Variants in ERICH1 observed in about 807,000 individuals in gnomAD.
ERICH1 encodes glutamate-rich protein 1.
A neutral mutation model predicts 39.6 loss-of-function variants in ERICH1; 56 were observed. That is an observed-to-expected ratio of 1.41 (90% confidence interval 1.14 to 1.77). ERICH1 has a LOEUF of 1.77. ERICH1 is among the 40% of genes most tolerant of loss of function. The pLI, the probability that ERICH1 is intolerant of heterozygous loss-of-function variation, is 0.00. For synonymous variants in ERICH1, 313 were observed against 223.6 expected (o/e 1.40, Z -3.57); for missense variants, 826 against 575.4 (o/e 1.44, Z -4.45).
At chr8:663,885 G>C (rs538524386), downstream of ERICH1, among the ~76,000 whole-genome samples, 23 of 152,072 alleles carry the variant, frequency 1.5e-4, no homozygotes, top group South Asian at 3.5e-3. Context: ...TCAGCCTCCA[G>C]AGTAGCTGGG....
intron 3 of ERICH1, among the ~76,000 whole-genome samples, chr8:617,602 C>T (rs961286616): frequency 6.6e-6 from 1 of 151,134 alleles, no homozygotes; most frequent in African/African-American, 2.4e-5. Flanking sequence ...GGTGCTCCAT[C>T]TGTTCTCACT....
At chr8:679,781 C>A (rs1420776971) in intron 3 of ERICH1, among the ~76,000 whole-genome samples, 3 of 152,240 alleles carry the variant, frequency 2.0e-5, no homozygotes, top group African/African-American at 7.2e-5. Context: ...GGGCTCCAGG[C>A]AGGGCACCAG....
At chr8:704,351 G>T (rs868742968) in intron 2 of ERICH1, among the ~76,000 whole-genome samples, 1 of 152,138 alleles carries the variant, frequency 6.6e-6, no homozygotes, top group Non-Finnish European at 1.5e-5. Flanking sequence ...CCATGCTGGG[G>T]GTGGAACAGT....
rs377646630 is a variant in ERICH1 at position 704,860 on chromosome 8, GGT to G, written c.169+10999_169+11000del. On this transcript the variant is annotated intron_variant, in intron 2 of 5. Transcript: ENST00000262109. ...AGGAGCAGCCACTGCAGAGCTGGAGGGTGTGTGACTGGAGTGATGGGCAGAAC... is the reference window on the plus strand; with the variant it reads ...AGGAGCAGCCACTGCAGAGCTGGAGGGTGTGACTGGAGTGATGGGCAGAAC... Among the ~76,000 whole-genome samples, 319 of 152,236 alleles carry G rather than the reference GGT, an allele frequency of 2.1e-3. 2 individuals carry two copies. The highest frequency in any genetic ancestry group is 0.016 in the South Asian group (75 of 4,818).
intron 3 of ERICH1, chr8:656,893 TAATTC>T (rs1800731837): frequency 4.2e-6 from 4 of 948,840 alleles, no homozygotes; most frequent in Non-Finnish European, 5.0e-6. Flanking sequence ...CATTATGGAT[TAATTC>T]ATTTAAGATA....
intron 2 of ERICH1, among the ~76,000 whole-genome samples, chr8:703,589 C>A (rs1254797597): frequency 2.0e-5 from 3 of 152,182 alleles, no homozygotes; most frequent in Non-Finnish European, 4.4e-5. Context: ...GGCAAAGACT[C>A]CATAAGATAA....
At chr8:668,513 GT>G in intron 5 of ERICH1, 84 bp downstream of exon 5, 1 of 1,446,640 alleles carries the variant, frequency 6.9e-7, no homozygotes, top group Non-Finnish European at 9.7e-7. Flanking sequence ...ACTCATTGCT[GT>G]TTTGGTGGCG....
chr8:701,289 C>T (rs1193139939), intron 2 of ERICH1, among the ~76,000 whole-genome samples: 3 of 146,950 alleles, frequency 2.0e-5, no homozygotes, highest in South Asian at 2.1e-4. Context: ...TCTGCCCCGC[C>T]GGACGGGAGC....
chr8:620,811 G>A (rs1374387537), intron 3 of ERICH1, among the ~76,000 whole-genome samples: 2 of 152,162 alleles, frequency 1.3e-5, no homozygotes, highest in Non-Finnish European at 2.9e-5. Flanking sequence ...GAAGGGAGAA[G>A]TAGACAATTT....
In ERICH1 at chr8:715,899, G is replaced by C. The variant is rs1387965965; in HGVS notation, c.131C>G (p.Ser44Cys). The C allele has an allele frequency of 6.2e-7, 1 of 1,613,974 alleles. No individual in the cohort carries two copies. Among genetic ancestry groups the C allele is most frequent in the Non-Finnish European group, 8.5e-7 (1 of 1,179,952 alleles). ...AVQNPPKKVT[S>C]EKVSQKHAEP... is the part of the protein sequence containing the mutation. ...AGCATGTTTCTGGCTCACTTTCTCA[G>C]AGGTCACTTTCTTTGGTGGATTTTG... Residue 44 changes from serine to cysteine, a missense_variant, in exon 2 of 6, where the codon TCT becomes TGT. Coordinates refer to ENST00000262109, the MANE Select transcript of ERICH1 (RefSeq NM_207332.3).
At chr8:679,705 T>C (rs920347424) in intron 3 of ERICH1, among the ~76,000 whole-genome samples, 3 of 152,242 alleles carry the variant, frequency 2.0e-5, no homozygotes, top group Non-Finnish European at 2.9e-5. Flanking sequence ...TCATAAGTCA[T>C]GTTGAAATGC....
At chr8:674,881 C>A (rs912484523) in intron 3 of ERICH1, among the ~76,000 whole-genome samples, 9 of 152,258 alleles carry the variant, frequency 5.9e-5, no homozygotes, top group African/African-American at 2.2e-4. Context: ...GGCTAATAAC[C>A]AGCTCTCGGA....
chr8:710,019 A>T (rs1272863702), intron 2 of ERICH1, among the ~76,000 whole-genome samples: 1 of 152,194 alleles, frequency 6.6e-6, no homozygotes, highest in African/African-American at 2.4e-5. Context: ...AAAAACAGGA[A>T]ATGTTAGGGA....
At chr8:675,090 C>T (rs1270151654) in intron 3 of ERICH1, among the ~76,000 whole-genome samples, 1 of 152,150 alleles carries the variant, frequency 6.6e-6, no homozygotes, top group African/African-American at 2.4e-5. Flanking sequence ...CCATGGCAGT[C>T]TCAACACCTC....
At chr8:721,290 T>G (rs1295645122) in intron 1 of ERICH1, among the ~76,000 whole-genome samples, 3 of 152,242 alleles carry the variant, frequency 2.0e-5, no homozygotes, top group Admixed American at 2.0e-4. Flanking sequence ...AAAATCAGTT[T>G]TTAAAAGAGC....
At chr8:718,908 A>G (rs1816655802) in intron 1 of ERICH1, among the ~76,000 whole-genome samples, 1 of 152,068 alleles carries the variant, frequency 6.6e-6, no homozygotes, top group African/African-American at 2.4e-5. Flanking sequence ...GCGGTTTGTC[A>G]TTGCACTCCA....
intron 2 of ERICH1, among the ~76,000 whole-genome samples, chr8:708,540 C>G (rs1232112657): frequency 1.3e-5 from 2 of 152,030 alleles, no homozygotes; most frequent in African/African-American, 2.4e-5. Context: ...ATGAAAAAAC[C>G]CAGACACAAA....
At chr8:670,783 C>T (rs542309847) in intron 4 of ERICH1, among the ~76,000 whole-genome samples, 1 of 152,278 alleles carries the variant, frequency 6.6e-6, no homozygotes, top group South Asian at 2.1e-4. Flanking sequence ...AACCTCTGAA[C>T]CCCCTGGCCC....
At chr8:676,543 A>G (rs1053392707) in intron 3 of ERICH1, among the ~76,000 whole-genome samples, 6 of 150,776 alleles carry the variant, frequency 4.0e-5, no homozygotes, top group Admixed American at 1.3e-4. Context: ...GGACAGAGGC[A>G]CACTACCCGT....
Sources: allele counts gnomAD v4.1 joint callset (sites outside exome capture counted in the v4.1 genomes callset), GRCh38; gene constraint gnomAD v4.1.1; transcripts MANE v1.5; gene names NCBI Gene and HGNC (gene_info 2026-07-23, HGNC 2026-07-21).